MIPOL1: variants seen among roughly 807,000 people sequenced by gnomAD.
MIPOL1 encodes the protein mirror-image polydactyly gene 1 protein.
In MIPOL1, 57 loss-of-function variants were observed where a neutral mutation model predicts 60.9. The ratio of observed to expected loss-of-function variants is 0.94; its 90% CI spans 0.76 to 1.17. MIPOL1 has a LOEUF of 1.17. Among genes scored for constraint, MIPOL1 ranks in the 50% most tolerant of loss-of-function variants. The probability of loss-of-function intolerance (pLI) is 0.00; values close to 1 mark genes in which losing one functional copy is unlikely to be tolerated. For missense variants in MIPOL1, 551 were observed against 511.6 expected, an observed-to-expected ratio of 1.08 and a Z score of -0.74; for synonymous variants, 179 against 168.8, an observed-to-expected ratio of 1.06 and a Z score of -0.47.
intron 9 of MIPOL1, among the ~76,000 whole-genome samples, chr14:37,361,736 T>C (rs1441209306): frequency 6.7e-6 from 1 of 148,848 alleles, no homozygotes; most frequent in Non-Finnish European, 1.5e-5. Flanking sequence ...GCCTCTCGAG[T>C]AGCTGGGACT....
Position 37,530,954 on chromosome 14 carries a change from A to G in MIPOL1, c.1263-15951A>G, listed in dbSNP as rs565405067. Among the ~76,000 whole-genome samples, 8 of 151,862 alleles carry G rather than the reference A, an allele frequency of 5.3e-5. No individual in the cohort carries two copies. In the South Asian group the frequency reaches 1.7e-3, roughly 32 times the overall value. ...TGCCTCAGCCCCCCGAGTAGCTGAG[A>G]TTACAGGTGCCCGCCCCCACGCCTG... is the stretch of plus-strand genomic sequence containing the variant. On this transcript the variant is annotated intron_variant, in intron 12 of 12. Transcript: ENST00000684589.
chr14:37,455,052 ATCTC>A (rs777645419), intron 11 of MIPOL1, among the ~76,000 whole-genome samples: 1 of 152,094 alleles, frequency 6.6e-6, no homozygotes, highest in Non-Finnish European at 1.5e-5. Flanking sequence ...CAGAAGCCAC[ATCTC>A]TCTCTCTTTA....
At chr14:37,230,628 AT>A (rs1429895378) in intron 1 of MIPOL1, among the ~76,000 whole-genome samples, 2 of 152,234 alleles carry the variant, frequency 1.3e-5, no homozygotes, top group African/African-American at 4.8e-5. Flanking sequence ...CAAATGAGAA[AT>A]TTTGGTCAGA....
chr14:37,199,250 A>C (rs1301382051), intron 1 of MIPOL1, among the ~76,000 whole-genome samples: 1 of 152,226 alleles, frequency 6.6e-6, no homozygotes, highest in South Asian at 2.1e-4. Context: ...GCATCCCGGA[A>C]GCCCCACTTC....
intron 1 of MIPOL1, among the ~76,000 whole-genome samples, chr14:37,226,283 T>C (rs1969716428): frequency 6.6e-6 from 1 of 152,212 alleles, no homozygotes; most frequent in Non-Finnish European, 1.5e-5. Context: ...ATTAGTCTGC[T>C]TTCATGCTGC....
intron 3 of MIPOL1, among the ~76,000 whole-genome samples, chr14:37,251,374 T>G (rs928042250): frequency 6.6e-6 from 1 of 152,050 alleles, no homozygotes; most frequent in Non-Finnish European, 1.5e-5. Flanking sequence ...AGCCCCCAAG[T>G]TTCTTTAAGG....
intron 11 of MIPOL1, among the ~76,000 whole-genome samples, chr14:37,491,930 T>C (rs2095053517): frequency 6.6e-6 from 1 of 152,198 alleles, no homozygotes; most frequent in Non-Finnish European, 1.5e-5. Context: ...TCTCTGTATG[T>C]CATTCAGAAT....
At chr14:37,494,028 G>C (rs917099687) in intron 11 of MIPOL1, among the ~76,000 whole-genome samples, 2 of 152,174 alleles carry the variant, frequency 1.3e-5, no homozygotes, top group Non-Finnish European at 2.9e-5. Flanking sequence ...AGCGGGCCTT[G>C]TTGTCAGTTA....
Position 37,524,559 on chromosome 14 carries a change from C to CTT in MIPOL1, c.1263-22342_1263-22341dup, listed in dbSNP as rs1171387928. On this transcript the variant is annotated intron_variant, in intron 12 of 12. Coordinates refer to ENST00000684589, the MANE Select transcript of MIPOL1 (RefSeq NM_001388067.1). ...TGTTCTTCTTGACATCTTAATTTTT[C>CTT]TTTTTCTTTTCTTTTTTTTTTTTTT... Among the ~76,000 whole-genome samples, 29 of 18,498 alleles carry CTT rather than the reference C, an allele frequency of 1.6e-3. 3 individuals are homozygous for CTT. The highest frequency in any genetic ancestry group is 4.7e-3 in the African/African-American group (12 of 2,574). The allele number at this position is 18,498 out of a possible 152,430, so 12.1% of individuals were successfully genotyped here.
At chr14:37,468,963 A>T (rs2094639084) in intron 11 of MIPOL1, among the ~76,000 whole-genome samples, 1 of 152,194 alleles carries the variant, frequency 6.6e-6, no homozygotes, top group Non-Finnish European at 1.5e-5. Context: ...AGAGGCAAGA[A>T]AAGCTTTGTA....
intron 10 of MIPOL1, 28 bp downstream of exon 10, chr14:37,369,652 A>G (rs1471068493): frequency 1.3e-6 from 2 of 1,574,012 alleles, no homozygotes; most frequent in African/African-American, 1.3e-5. Flanking sequence ...CTTGCAGGCA[A>G]ATTAAGGTTG....
At chr14:37,387,952 C>T (rs2093121534) in intron 10 of MIPOL1, among the ~76,000 whole-genome samples, 1 of 151,340 alleles carries the variant, frequency 6.6e-6, no homozygotes, top group Non-Finnish European at 1.5e-5. Flanking sequence ...GATAATTGAA[C>T]CAAGAGAAGG....
chr14:37,373,223 G>A (rs953579063), intron 10 of MIPOL1, among the ~76,000 whole-genome samples: 3 of 151,958 alleles, frequency 2.0e-5, no homozygotes, highest in Non-Finnish European at 4.4e-5. Flanking sequence ...CACTGGTCTC[G>A]AGCTCCTGGC....
At chr14:37,521,324 C>T (rs1388474372) in intron 12 of MIPOL1, among the ~76,000 whole-genome samples, 2 of 151,984 alleles carry the variant, frequency 1.3e-5, no homozygotes, top group Non-Finnish European at 2.9e-5. Context: ...GGCCTTTATG[C>T]CAGTATATGA....
At chr14:37,310,578 TCA>T (rs1439303746) in intron 9 of MIPOL1, among the ~76,000 whole-genome samples, 16 of 152,196 alleles carry the variant, frequency 1.1e-4, no homozygotes, top group Non-Finnish European at 1.8e-4. Context: ...TTTCTGGCCT[TCA>T]CAAGGTGATC....
At chr14:37,340,097 C>G (rs918551928) in intron 9 of MIPOL1, among the ~76,000 whole-genome samples, 4 of 152,102 alleles carry the variant, frequency 2.6e-5, no homozygotes, top group African/African-American at 9.7e-5. Context: ...CTTCTTTCCT[C>G]TGGTTTGTGT....
chr14:37,448,588 T>G lies in MIPOL1; in HGVS notation c.1031+25639T>G, dbSNP rs1171077164. 3.3e-5 allele frequency among the ~76,000 whole-genome samples: 5 copies of G among 152,262 alleles called. 1 individual carries two copies. The highest frequency in any genetic ancestry group is 1.3e-4 in the Admixed American group (2 of 15,284). On this transcript the variant is annotated intron_variant, in intron 11 of 12. Transcript: ENST00000684589. ...GCTAGCAAAAAAATAAAACTGGCAGTTTTCAAAGACTTAACAGTTCACTGT... is the reference window on the plus strand; with the variant it reads ...GCTAGCAAAAAAATAAAACTGGCAGGTTTCAAAGACTTAACAGTTCACTGT...
chr14:37,215,333 C>G (rs1368469473), intron 1 of MIPOL1, among the ~76,000 whole-genome samples: 1 of 151,922 alleles, frequency 6.6e-6, no homozygotes, highest in Non-Finnish European at 1.5e-5. Flanking sequence ...TGGTAGTGGT[C>G]TCCTGGGCCC....
chr14:37,333,832 T>G (rs1391614805), intron 9 of MIPOL1, among the ~76,000 whole-genome samples: 3 of 152,048 alleles, frequency 2.0e-5, no homozygotes, highest in Non-Finnish European at 2.9e-5. Flanking sequence ...TGAACAAAAT[T>G]CATTACCGTT....
Sources: allele counts gnomAD v4.1 joint callset (sites outside exome capture counted in the v4.1 genomes callset), GRCh38; gene constraint gnomAD v4.1.1; transcripts MANE v1.5; gene names NCBI Gene and HGNC (gene_info 2026-07-23, HGNC 2026-07-21).